The following SGCZ variants were observed in gnomAD, a reference collection of about 807,000 sequenced individuals.
The protein encoded by SGCZ is zeta-sarcoglycan.
In SGCZ, 40 loss-of-function variants were observed where a neutral mutation model predicts 41.3. The ratio of observed to expected loss-of-function variants is 0.97; its 90% CI spans 0.75 to 1.26. The LOEUF (loss-of-function observed/expected upper bound fraction) is 1.26. SGCZ is among the 50% of genes most tolerant of loss of function. SGCZ has a pLI of 0.00. For synonymous variants in SGCZ, 206 were observed against 137.5 expected (o/e 1.50, Z -3.49); for missense variants, 552 against 369.8 (o/e 1.49, Z -4.04).
chr8:15,012,052 G>A (rs926035737), intron 1 of SGCZ, among the ~76,000 whole-genome samples: 1 of 152,022 alleles, frequency 6.6e-6, no homozygotes, highest in Non-Finnish European at 1.5e-5. Flanking sequence ...CTACTCAATC[G>A]CATTATTGCA....
chr8:14,548,136 TCACACCCACTCTA>T (rs1394328487), intron 2 of SGCZ, among the ~76,000 whole-genome samples: 1 of 152,146 alleles, frequency 6.6e-6, no homozygotes, highest in Non-Finnish European at 1.5e-5. Flanking sequence ...ATGAAATAGA[TCACACCCACTCTA>T]CAGAGGAAGA....
intron 1 of SGCZ, among the ~76,000 whole-genome samples, chr8:15,086,967 A>AATCAGCTC (rs1283362228): frequency 6.6e-6 from 1 of 151,988 alleles, no homozygotes; most frequent in Non-Finnish European, 1.5e-5. Flanking sequence ...GGAAATGATT[A>AATCAGCTC]ATCAGCTCAT....
intron 1 of SGCZ, among the ~76,000 whole-genome samples, chr8:14,814,786 CA>C (rs965783773): frequency 6.6e-6 from 1 of 151,976 alleles, no homozygotes; most frequent in Non-Finnish European, 1.5e-5. Flanking sequence ...TTTTCTTGAG[CA>C]AGGTATTATG....
rs530523713 is a variant in SGCZ, at chr8:15,093,010, C to A, written c.39+144575G>T. On this transcript the variant is annotated intron_variant, in intron 1 of 7. Transcript: ENST00000382080. ...TGACAAATACACGCTTTTAGTATCA[C>A]ACTCCCTAGGGCGTCATTAGAACTT... Among the ~76,000 whole-genome samples the A allele has an allele frequency of 7.9e-5, 12 of 152,306 alleles. No homozygotes were observed. In the East Asian group the frequency reaches 2.1e-3, roughly 27 times the overall value.
intron 1 of SGCZ, among the ~76,000 whole-genome samples, chr8:15,108,145 T>A (rs1293872722): frequency 6.6e-6 from 1 of 152,232 alleles, no homozygotes; most frequent in Non-Finnish European, 1.5e-5. Flanking sequence ...CTTGATTAAT[T>A]TATTCCTTCT....
intron 3 of SGCZ, among the ~76,000 whole-genome samples, chr8:14,286,259 C>T (rs890538): frequency 0.97 from 147,099 of 152,174 alleles, 71,263 homozygotes; most frequent in East Asian, 1. Flanking sequence ...TAATCATATT[C>T]CCATTTAACA....
chr8:14,518,611 C>A (rs80227166), intron 2 of SGCZ, among the ~76,000 whole-genome samples: 1 of 152,026 alleles, frequency 6.6e-6, no homozygotes, highest in African/African-American at 2.4e-5. Flanking sequence ...CTACCTACAT[C>A]CACAAGTCTT....
intron 1 of SGCZ, among the ~76,000 whole-genome samples, chr8:14,664,480 A>G (rs1322230065): frequency 6.6e-6 from 1 of 152,200 alleles, no homozygotes; most frequent in Non-Finnish European, 1.5e-5. Flanking sequence ...AGCAGAGTAT[A>G]TAGGAATAGA....
chr8:14,912,325 C>T (rs1799301176), intron 1 of SGCZ, among the ~76,000 whole-genome samples: 1 of 151,892 alleles, frequency 6.6e-6, no homozygotes, highest in African/African-American at 2.4e-5. Flanking sequence ...CCCAAAATGA[C>T]AGAGATCTCC....
At chr8:14,780,218 C>CA (rs1347727149) in intron 1 of SGCZ, among the ~76,000 whole-genome samples, 17 of 151,630 alleles carry the variant, frequency 1.1e-4, no homozygotes, top group South Asian at 6.2e-4. Context: ...ACTAAAAATA[C>CA]AAAAAAATTA....
At chr8:14,732,618 T>C (rs1417415226) in intron 1 of SGCZ, among the ~76,000 whole-genome samples, 2 of 152,156 alleles carry the variant, frequency 1.3e-5, no homozygotes, top group Non-Finnish European at 2.9e-5. Flanking sequence ...TGATGAGAAT[T>C]AGAAGACTGA....
At chr8:15,101,494 T>C (rs1806612333) in intron 1 of SGCZ, among the ~76,000 whole-genome samples, 1 of 152,164 alleles carries the variant, frequency 6.6e-6, no homozygotes, top group Non-Finnish European at 1.5e-5. Flanking sequence ...AAATACTCCA[T>C]AACAGATGTC....
intron 5 of SGCZ, among the ~76,000 whole-genome samples, chr8:14,150,663 T>C (rs1042574543): frequency 2.6e-5 from 4 of 152,152 alleles, no homozygotes; most frequent in Non-Finnish European, 2.9e-5. Flanking sequence ...CCAGCAATCC[T>C]ACTGCTGGGT....
At chr8:14,582,990 G>T (rs1279876294) in intron 1 of SGCZ, among the ~76,000 whole-genome samples, 2 of 151,826 alleles carry the variant, frequency 1.3e-5, no homozygotes, top group African/African-American at 2.4e-5. Context: ...TGTCTTTATA[G>T]CAGCATGATT....
chr8:14,716,131 T>G (rs896610028), intron 1 of SGCZ, among the ~76,000 whole-genome samples: 4 of 151,770 alleles, frequency 2.6e-5, no homozygotes, highest in Non-Finnish European at 5.9e-5. Flanking sequence ...CTTCTTACCT[T>G]AGAAAAGAGA....
chr8:14,473,668 T>C (rs1174738668), intron 2 of SGCZ, among the ~76,000 whole-genome samples: 1 of 152,012 alleles, frequency 6.6e-6, no homozygotes, highest in Non-Finnish European at 1.5e-5. Flanking sequence ...CCGGGCGAGG[T>C]GTCTCAAGCC....
At chr8:14,878,351 T>A (rs953795160) in intron 1 of SGCZ, among the ~76,000 whole-genome samples, 33 of 152,132 alleles carry the variant, frequency 2.2e-4, no homozygotes, top group African/African-American at 8.0e-4. Flanking sequence ...TTTGCAGATA[T>A]ATTATGCAAG....
intron 2 of SGCZ, among the ~76,000 whole-genome samples, chr8:14,456,966 A>T: frequency 6.6e-6 from 1 of 152,158 alleles, no homozygotes; most frequent in East Asian, 1.9e-4. Flanking sequence ...CATGATTGTA[A>T]GCCTTGTGAG....
At chr8:14,251,455 T>C (rs116916958) in intron 3 of SGCZ, among the ~76,000 whole-genome samples, 5,645 of 152,122 alleles carry the variant, frequency 0.037, 303 homozygotes, top group East Asian at 0.21. Flanking sequence ...CTGTTGTAGG[T>C]CAAAAGGAGC....
Sources: gnomAD v4.1 joint callset for allele counts (sites outside exome capture counted in the v4.1 genomes callset) on GRCh38, gnomAD v4.1.1 for gene constraint, MANE v1.5 for transcripts, NCBI Gene and HGNC (gene_info 2026-07-23, HGNC 2026-07-21) for gene names.